ADGRL3: variants seen among roughly 807,000 people sequenced by gnomAD.
ADGRL3 encodes calcium-independent alpha-latrotoxin receptor 3.
Under a neutral mutation model 153.5 loss-of-function variants are expected in ADGRL3, and 62 were observed. That is an observed-to-expected ratio of 0.40 (90% CI 0.33 to 0.50). ADGRL3 has a LOEUF of 0.50. Ranked by LOEUF, ADGRL3 falls within the 20% of genes least tolerant of loss-of-function variation. The probability of loss-of-function intolerance (pLI) is 0.47; values close to 1 mark genes in which losing one functional copy is unlikely to be tolerated. For missense variants in ADGRL3, 1,641 were observed against 1,859.4 expected (o/e 0.88, Z 2.16); for synonymous variants, 710 against 672.5 (o/e 1.06, Z -0.86).
intron 1 of ADGRL3, among the ~76,000 whole-genome samples, chr4:61,274,919 C>A (rs28612293): frequency 0.017 from 2,658 of 152,192 alleles, 67 homozygotes; most frequent in African/African-American, 0.058. Context: ...CAGAACAAGA[C>A]CCTGTCTTCA....
chr4:61,374,268 A>T lies in ADGRL3; in HGVS notation c.-239-8856A>T, dbSNP rs928837726. Among the ~76,000 whole-genome samples, 6 of 152,248 alleles carry T rather than the reference A, an allele frequency of 3.9e-5. No homozygotes were observed. In the East Asian group the frequency reaches 1.2e-3, roughly 29 times the overall value. ...TTCTTTCTGTTTTCCTCAGAGCTTTAGGTATTTCTTCTGGATGTCAGTTTG... is the reference window on the plus strand; with the variant it reads ...TTCTTTCTGTTTTCCTCAGAGCTTTTGGTATTTCTTCTGGATGTCAGTTTG... On this transcript the variant is annotated intron_variant, in intron 1 of 26. Transcript: ENST00000683033.
intron 5 of ADGRL3, among the ~76,000 whole-genome samples, chr4:61,646,651 C>G (rs1177527462): frequency 6.6e-6 from 1 of 152,036 alleles, no homozygotes. Flanking sequence ...TCTCCAGCTG[C>G]GTGCTGGGAG....
chr4:61,928,533 C>A (rs1222647341), intron 13 of ADGRL3, among the ~76,000 whole-genome samples: 1 of 152,136 alleles, frequency 6.6e-6, no homozygotes, highest in Non-Finnish European at 1.5e-5. Flanking sequence ...TCAACAGTGC[C>A]TTACCTAGGT....
intron 22 of ADGRL3, among the ~76,000 whole-genome samples, chr4:62,029,864 A>G (rs1721000111): frequency 6.6e-6 from 1 of 151,480 alleles, no homozygotes; most frequent in African/African-American, 2.4e-5. Flanking sequence ...ATTTAATGGC[A>G]ATTCTTATTT....
chr4:61,668,006 C>T (rs936660415), intron 5 of ADGRL3, among the ~76,000 whole-genome samples: 1 of 152,136 alleles, frequency 6.6e-6, no homozygotes, highest in African/African-American at 2.4e-5. Context: ...ACCCCCACCC[C>T]ACCCTGATAT....
In ADGRL3 at chr4:61,903,650, CA is replaced by C. The variant is rs55879235; in HGVS notation, c.1888-5877del. Among the ~76,000 whole-genome samples the C allele has an allele frequency of 2.9e-3, 207 of 72,324 alleles. 3 individuals are homozygous for C. Among genetic ancestry groups the C allele is most frequent in the African/African-American group, 0.013 (192 of 15,262 alleles). 47.4% of individuals were successfully genotyped at this position (72,324 alleles called of 152,430 possible). A position where few individuals can be genotyped will look rare whatever the true frequency, so the allele number is the denominator to read the frequency against. The stretch of plus-strand genomic sequence containing the variant: ...TGCTGCACTCCAGCTTGGGAAACAG[CA>C]AAAAAAAAAAAAAAAAAAAAAAAAA... On this transcript the variant is annotated intron_variant, in intron 11 of 26. Transcript: ENST00000683033.
chr4:61,774,377 A>G (rs1282902429), intron 8 of ADGRL3, among the ~76,000 whole-genome samples: 3 of 151,482 alleles, frequency 2.0e-5, no homozygotes, highest in African/African-American at 4.8e-5. Context: ...AAAAAGAAAG[A>G]AAAAGAAAAA....
chr4:61,683,838 C>T (rs568482958), intron 6 of ADGRL3, among the ~76,000 whole-genome samples: 1 of 152,136 alleles, frequency 6.6e-6, no homozygotes, highest in African/African-American at 2.4e-5. Flanking sequence ...TCACTTTGAC[C>T]AGGCTGGTCT....
At chr4:61,919,604 T>C (rs191330785) in intron 13 of ADGRL3, among the ~76,000 whole-genome samples, 1 of 152,302 alleles carries the variant, frequency 6.6e-6, no homozygotes, top group Admixed American at 6.5e-5. Flanking sequence ...AAAGCAATCA[T>C]TGAATCAGAA....
intron 9 of ADGRL3, among the ~76,000 whole-genome samples, chr4:61,821,013 T>A (rs1022158392): frequency 4.6e-5 from 7 of 152,172 alleles, no homozygotes; most frequent in African/African-American, 1.7e-4. Context: ...GGTTTACATA[T>A]ACCAGTTGGG....
At chr4:61,415,659 T>C (rs1013830752) in intron 2 of ADGRL3, among the ~76,000 whole-genome samples, 3 of 152,108 alleles carry the variant, frequency 2.0e-5, no homozygotes, top group African/African-American at 4.8e-5. Flanking sequence ...ATTTTCCCTA[T>C]TCTGTCATTG....
intron 15 of ADGRL3, among the ~76,000 whole-genome samples, chr4:61,940,185 G>C (rs1400624216): frequency 6.2e-5 from 5 of 80,546 alleles, no homozygotes; most frequent in African/African-American, 2.5e-4. Flanking sequence ...GCGGTGTTTG[G>C]TTTTTTGTTC....
chr4:61,448,714 AGGAAGGAAGGAGAGAG>A (rs1422805823), intron 2 of ADGRL3, among the ~76,000 whole-genome samples: 7 of 19,922 alleles, frequency 3.5e-4, no homozygotes, highest in Non-Finnish European at 1.2e-3. Flanking sequence ...GAAAGAAAGA[AGGAAGGAAGGAGAGAG>A]GGAAGGAAGG....
chr4:61,805,471 T>A (rs1366949531), intron 8 of ADGRL3, among the ~76,000 whole-genome samples: 1 of 152,160 alleles, frequency 6.6e-6, no homozygotes, highest in East Asian at 1.9e-4. Flanking sequence ...GGTTTATAGT[T>A]TTACTCTTGT....
chr4:61,792,962 C>T lies in ADGRL3; in HGVS notation c.1400-20847C>T, dbSNP rs1233381475. 3.3e-5 allele frequency among the ~76,000 whole-genome samples: 5 copies of T among 150,906 alleles called. No individual in the cohort carries two copies. The South Asian group carries it at 6.3e-4, about 19-fold the overall frequency. ...CTCACACTGCTGATAAAGACATACC[C>T]GCGACTGGGCAATTTACCAAAAAAA... On this transcript the variant is annotated intron_variant, in intron 8 of 26. Transcript: ENST00000683033.
Position 61,948,141 on chromosome 4 carries a change from C to G in ADGRL3, c.2670C>G (p.Ser890Arg), listed in dbSNP as rs1378520640. Residue 890 changes from serine (S) to arginine (R), a missense_variant, in exon 17 of 27, where the codon AGC (serine) becomes AGG (arginine). Physicochemically the swap from Ser to Arg is moderately radical, Grantham distance 110. Coordinates refer to ENST00000683033, the MANE Select transcript of ADGRL3 (RefSeq NM_001387552.1). ...ENFNPNCSFWSYSKRTMTGYW... is the reference protein window; with the variant it reads ...ENFNPNCSFWRYSKRTMTGYW... ...TCAACCCTAACTGTTCATTTTGGAGCTACTCCAAGCGTACAATGACAGGTT... is the reference window on the plus strand; with the variant it reads ...TCAACCCTAACTGTTCATTTTGGAGGTACTCCAAGCGTACAATGACAGGTT... 6.2e-7 allele frequency: 1 copy of G among 1,613,466 alleles called. No individual in the cohort carries two copies. Among genetic ancestry groups the G allele is most frequent in the Non-Finnish European group, 8.5e-7 (1 of 1,179,670 alleles).
At chr4:61,791,375 T>C (rs748770531) in intron 8 of ADGRL3, among the ~76,000 whole-genome samples, 4 of 152,116 alleles carry the variant, frequency 2.6e-5, no homozygotes, top group Non-Finnish European at 5.9e-5. Context: ...ATCTTAAAGC[T>C]CCAAAATGAT....
chr4:61,301,915 A>G (rs1158939579), intron 1 of ADGRL3, among the ~76,000 whole-genome samples: 1 of 152,186 alleles, frequency 6.6e-6, no homozygotes, highest in African/African-American at 2.4e-5. Context: ...AAAGCCCAGA[A>G]TTTAATCTTC....
chr4:61,854,866 T>C (rs1010675953), intron 9 of ADGRL3, among the ~76,000 whole-genome samples: 1 of 152,228 alleles, frequency 6.6e-6, no homozygotes, highest in Non-Finnish European at 1.5e-5. Flanking sequence ...TTCACCTCTG[T>C]GGTCATCCTT....
Sources: gnomAD v4.1 joint callset for allele counts (sites outside exome capture counted in the v4.1 genomes callset) on GRCh38, gnomAD v4.1.1 for gene constraint, MANE v1.5 for transcripts, NCBI Gene and HGNC (gene_info 2026-07-23, HGNC 2026-07-21) for gene names.